Variants in COL28A1 observed in about 807,000 individuals in gnomAD.
COL28A1 encodes collagen alpha-1(XXVIII) chain.
A neutral mutation model predicts 150.2 loss-of-function variants in COL28A1; 161 were observed. That is an observed-to-expected ratio of 1.07 (90% confidence interval 0.94 to 1.22). The LOEUF (loss-of-function observed/expected upper bound fraction) is 1.22. Ranked by LOEUF, COL28A1 falls within the 50% of genes most tolerant of loss-of-function variation. The pLI, the probability that COL28A1 is intolerant of heterozygous loss-of-function variation, is 0.00. For missense variants in COL28A1, 1,617 were observed against 1,388.3 expected, an observed-to-expected ratio of 1.16 and a Z score of -2.62; for synonymous variants, 552 against 469.7, an observed-to-expected ratio of 1.18 and a Z score of -2.26.
intron 15 of COL28A1, among the ~76,000 whole-genome samples, chr7:7,474,301 G>C: frequency 6.6e-6 from 1 of 151,954 alleles, no homozygotes; most frequent in Non-Finnish European, 1.5e-5. Context: ...AAAAGGGTGG[G>C]AAGAGGGTGA....
intron 27 of COL28A1, among the ~76,000 whole-genome samples, chr7:7,389,406 T>A (rs75023837): frequency 0.98 from 149,360 of 152,298 alleles, 73,251 homozygotes; most frequent in East Asian, 1. Flanking sequence ...GTAGCCTCAT[T>A]GTATAGTTTG....
intron 18 of COL28A1, among the ~76,000 whole-genome samples, chr7:7,447,562 A>C (rs1417325460): frequency 1.3e-5 from 2 of 152,244 alleles, no homozygotes. Flanking sequence ...AGGAGGTAAG[A>C]ACATTAAAAC....
At chr7:7,421,371 T>C (rs1784383642) in intron 25 of COL28A1, among the ~76,000 whole-genome samples, 1 of 152,172 alleles carries the variant, frequency 6.6e-6, no homozygotes, top group South Asian at 2.1e-4. Context: ...AAAACTGATT[T>C]ATGGTGATGG....
chr7:7,542,785 G>A, the COL28A1 span, among the ~76,000 whole-genome samples: 1 of 152,182 alleles, frequency 6.6e-6, no homozygotes, highest in African/African-American at 2.4e-5. Flanking sequence ...AAACAAGCTT[G>A]GAGGCTGAGA....
intron 18 of COL28A1, among the ~76,000 whole-genome samples, chr7:7,449,725 T>C (rs1786536759): frequency 1.3e-5 from 2 of 152,016 alleles, no homozygotes; most frequent in African/African-American, 4.8e-5. Flanking sequence ...AGACCTATAC[T>C]AGTTAGTTAA....
chr7:7,482,247 G>A (rs935474514), intron 13 of COL28A1, among the ~76,000 whole-genome samples: 1 of 152,138 alleles, frequency 6.6e-6, no homozygotes, highest in Non-Finnish European at 1.5e-5. Context: ...ATTGTTGGCT[G>A]AGCATGGTGG....
At chr7:7,419,383 A>G (rs1431134929) in intron 26 of COL28A1, among the ~76,000 whole-genome samples, 2 of 152,172 alleles carry the variant, frequency 1.3e-5, no homozygotes, top group Non-Finnish European at 2.9e-5. Context: ...GGATTAAAAG[A>G]ATAAAAGGAT....
At chr7:7,477,248 A>T in intron 13 of COL28A1, 68 bp from the exon 14 acceptor site, 1 of 811,196 alleles carries the variant, frequency 1.2e-6, no homozygotes. Flanking sequence ...GATGAAAAAG[A>T]GGAAAGAGGA....
At chr7:7,359,633 G>T (rs1780534661) in intron 34 of COL28A1, among the ~76,000 whole-genome samples, 1 of 152,178 alleles carries the variant, frequency 6.6e-6, no homozygotes, top group Non-Finnish European at 1.5e-5. Flanking sequence ...ATTGCTATCT[G>T]GGACTTATAT....
Position 7,370,823 on chromosome 7 carries a change from G to C in COL28A1, c.2968C>G (p.Gln990Glu). Reference protein sequence around the residue: ...ICEDFDSYLVQIFGSSSPQPG... With the variant: ...ICEDFDSYLVEIFGSSSPQPG... Reference sequence around the variant, plus strand: ...TGAGGTGACGATGAACCAAAAATTTGAACGAGATAGGAATCAAAATCCTCA... The same window carrying C: ...TGAGGTGACGATGAACCAAAAATTTCAACGAGATAGGAATCAAAATCCTCA... The change falls in exon 33 of 35, where the codon CAA (glutamine) becomes GAA (glutamate). Residue 990 changes from glutamine (Q) to glutamate (E), a missense_variant. By Grantham distance (29) the Gln-to-Glu change is conservative. Transcript: ENST00000399429. The C allele has an allele frequency of 6.2e-7, 1 of 1,613,498 alleles. No homozygotes were observed. The highest frequency in any genetic ancestry group is 8.5e-7 in the Non-Finnish European group (1 of 1,179,610).
chr7:7,397,413 G>A (rs73674521), intron 27 of COL28A1, among the ~76,000 whole-genome samples: 8,837 of 152,090 alleles, frequency 0.058, 893 homozygotes, highest in African/African-American at 0.2. Flanking sequence ...GCCATTTAAG[G>A]TAATATGTAC....
At chr7:7,392,483 T>A (rs1227084792) in intron 27 of COL28A1, among the ~76,000 whole-genome samples, 1 of 152,180 alleles carries the variant, frequency 6.6e-6, no homozygotes, top group East Asian at 1.9e-4. Flanking sequence ...AGTATCTTTG[T>A]GGTGGTCTCT....
At chr7:7,378,118 G>A (rs1323468903) in intron 30 of COL28A1, among the ~76,000 whole-genome samples, 1 of 152,066 alleles carries the variant, frequency 6.6e-6, no homozygotes, top group Non-Finnish European at 1.5e-5. Context: ...TGTAAGATCT[G>A]GCGCTTGGGA....
chr7:7,523,647 G>T (rs1012749774), intron 4 of COL28A1, among the ~76,000 whole-genome samples: 1 of 152,112 alleles, frequency 6.6e-6, no homozygotes, highest in Non-Finnish European at 1.5e-5. Flanking sequence ...TTTCTTTTAA[G>T]AAATGCATGT....
chr7:7,473,362 A>G (rs1214673430), intron 15 of COL28A1, among the ~76,000 whole-genome samples: 1 of 152,166 alleles, frequency 6.6e-6, no homozygotes, highest in African/African-American at 2.4e-5. Flanking sequence ...AAATAATCCC[A>G]TCAAAAAGTG....
intron 15 of COL28A1, among the ~76,000 whole-genome samples, chr7:7,472,219 A>G (rs1191974718): frequency 6.6e-6 from 1 of 152,198 alleles, no homozygotes; most frequent in East Asian, 1.9e-4. Flanking sequence ...ATCAATAAAT[A>G]GAAAGTCAAA....
chr7:7,415,552 GAGAC>G (rs913971334), intron 27 of COL28A1, among the ~76,000 whole-genome samples: 2 of 152,100 alleles, frequency 1.3e-5, no homozygotes, highest in African/African-American at 2.4e-5. Flanking sequence ...TTTGTTTTTT[GAGAC>G]AGAGTCTAAC....
At chr7:7,462,713 G>T (rs1313262747) in intron 15 of COL28A1, among the ~76,000 whole-genome samples, 1 of 152,078 alleles carries the variant, frequency 6.6e-6, no homozygotes, top group South Asian at 2.1e-4. Context: ...ACAAAAATTA[G>T]CCGGGCGTGG....
chr7:7,431,888 C>T (rs1277436058), intron 25 of COL28A1, among the ~76,000 whole-genome samples: 1 of 152,074 alleles, frequency 6.6e-6, no homozygotes, highest in Admixed American at 6.5e-5. Flanking sequence ...CAGGATTTAC[C>T]AAAGGACTAG....
Sources: allele counts gnomAD v4.1 joint callset (sites outside exome capture counted in the v4.1 genomes callset), GRCh38; gene constraint gnomAD v4.1.1; transcripts MANE v1.5; gene names NCBI Gene and HGNC (gene_info 2026-07-23, HGNC 2026-07-21).